Variants in PIGG observed in about 807,000 individuals in gnomAD.
PIGG encodes the protein GPI ethanolamine phosphate transferase 2, catalytic subunit.
Under a neutral mutation model 83.2 loss-of-function variants are expected in PIGG, and 70 were observed. The observed-to-expected ratio is 0.84, with a 90% CI of 0.69 to 1.03. PIGG has a LOEUF of 1.03. Ranked by LOEUF, PIGG falls within the 50% of genes least tolerant of loss-of-function variation. The pLI is 0.00. For synonymous variants in PIGG, 532 were observed against 519.5 expected (o/e 1.02, Z -0.33); for missense variants, 1,257 against 1,233.6 (o/e 1.02, Z -0.28).
chr4:521,974 A>G, intron 8 of PIGG, 33 bp downstream of exon 8: 1 of 1,608,434 alleles, frequency 6.2e-7, no homozygotes, highest in Non-Finnish European at 8.5e-7. Context: ...AGTGTGACGT[A>G]GTCCTTCTGC....
chr4:530,347 TG>T, intron 10 of PIGG, 88 bp from the exon 11 acceptor site: 2 of 908,866 alleles, frequency 2.2e-6, no homozygotes, highest in Non-Finnish European at 3.5e-6. Flanking sequence ...ACTGGTTCCC[TG>T]GGTAGATAGG....
rs563233978 is a variant in PIGG, at chr4:528,885, C to T, written c.2262-1551C>T. Among the ~76,000 whole-genome samples, 19 of 152,262 alleles carry T rather than the reference C, an allele frequency of 1.2e-4. No individual in the cohort carries two copies. Among genetic ancestry groups the T allele is most frequent in the African/African-American group, 2.6e-4 (11 of 41,532 alleles). The stretch of plus-strand genomic sequence containing the variant: ...TCACCTTCTTCCTGTAAAGTGCCTC[C>T]GTCCTTTGTCCCCATCTGTCCCGAT... On this transcript the variant is annotated intron_variant, in intron 10 of 12. Transcript: ENST00000453061. The surrounding 1 kb of genome is among the most constrained non-coding windows in gnomAD (Gnocchi z 4.8).
At chr4:503,862 A>T (rs1178945684) in intron 2 of PIGG, among the ~76,000 whole-genome samples, 1 of 151,726 alleles carries the variant, frequency 6.6e-6, no homozygotes, top group Non-Finnish European at 1.5e-5. Context: ...ACACACACAC[A>T]CACACACACA....
chr4:539,089 G>GTGT, intron 12 of PIGG, 64 bp from the exon 13 acceptor site: 1 of 1,050,630 alleles, frequency 9.5e-7, no homozygotes, highest in Admixed American at 1.8e-5. Context: ...GAAAATAAAA[G>GTGT]TGTTGTTACA....
intron 9 of PIGG, chr4:525,611 G>C (rs1306449132): frequency 6.6e-6 from 1 of 152,408 alleles, no homozygotes; most frequent in East Asian, 1.9e-4. Context: ...CACGTTAGTG[G>C]CACAGTTCTT....
At chr4:500,105 T>C in intron 1 of PIGG, 1 of 373,536 alleles carries the variant, frequency 2.7e-6, no homozygotes. Context: ...TCAAGCTCCC[T>C]AAATGTCCCA....
intron 6 of PIGG, among the ~76,000 whole-genome samples, chr4:520,367 C>CATGG (rs1201749124): frequency 3.3e-5 from 5 of 152,258 alleles, no homozygotes; most frequent in Non-Finnish European, 7.3e-5. Flanking sequence ...CCGTGAGCAG[C>CATGG]ATGGCACTGT....
At chr4:527,266 C>A in intron 10 of PIGG, 36 bp downstream of exon 10, 3 of 1,532,608 alleles carry the variant, frequency 2.0e-6, no homozygotes, top group Non-Finnish European at 2.6e-6. Context: ...CATAGAGCCA[C>A]TTTACTGTTT....
At chr4:535,031 T>C (rs1730137892) in intron 12 of PIGG, among the ~76,000 whole-genome samples, 1 of 152,250 alleles carries the variant, frequency 6.6e-6, no homozygotes, top group African/African-American at 2.4e-5. Flanking sequence ...TTCCTCATCG[T>C]ATGTTTCTTG....
chr4:511,106 C>G (rs1553883130), intron 5 of PIGG, among the ~76,000 whole-genome samples: 1 of 151,960 alleles, frequency 6.6e-6, no homozygotes, highest in African/African-American at 2.4e-5. Context: ...CCAGCCTGAC[C>G]AACATGGAGA....
chr4:539,420 C>A lies in PIGG; in HGVS notation c.*51C>A, dbSNP rs1465321408. 8.8e-7 allele frequency: 1 copy of A among 1,131,000 alleles called. No homozygotes were observed. The highest frequency in any genetic ancestry group is 1.3e-6 in the Non-Finnish European group (1 of 774,792). The allele number at this position is 1,131,000 out of a possible 1,614,324, so 70.1% of individuals were successfully genotyped here. A position where few individuals can be genotyped will look rare whatever the true frequency, so the allele number is the denominator to read the frequency against. The stretch of plus-strand genomic sequence containing the variant: ...TACATGCTTAAAGTCTGCTGTTATT[C>A]TAAAATGAAAGATATGAATTCAACA... On this transcript the variant is annotated 3_prime_UTR_variant, in exon 13 of 13. Transcript: ENST00000453061.
intron 9 of PIGG, 25 bp downstream of exon 9, chr4:523,938 A>G (rs1577106727): frequency 7.0e-7 from 1 of 1,426,046 alleles, no homozygotes; most frequent in South Asian, 1.4e-5. Context: ...CCGTGGCCAC[A>G]GGCCAGACTT....
At chr4:535,262 G>C (rs1730196450) in intron 12 of PIGG, among the ~76,000 whole-genome samples, 1 of 151,754 alleles carries the variant, frequency 6.6e-6, no homozygotes, top group Admixed American at 6.6e-5. Flanking sequence ...GAGTTGCTGG[G>C]AGCTCAATGG....
At chr4:518,252 CT>C (rs2108906937) in intron 6 of PIGG, among the ~76,000 whole-genome samples, 1 of 152,352 alleles carries the variant, frequency 6.6e-6, no homozygotes, top group South Asian at 2.1e-4. Context: ...TTGCATATTG[CT>C]TGTTTTGTTA....
chr4:510,448 G>A (rs782804411), intron 5 of PIGG, among the ~76,000 whole-genome samples: 37 of 152,338 alleles, frequency 2.4e-4, no homozygotes, highest in South Asian at 6.2e-4. Context: ...GCCTTCCAGC[G>A]TGGGCGTCAT....
chr4:537,801 G>A (rs1350986934), intron 12 of PIGG, among the ~76,000 whole-genome samples: 2 of 152,170 alleles, frequency 1.3e-5, no homozygotes, highest in African/African-American at 2.4e-5. Flanking sequence ...ATGGGGAGCC[G>A]GTGGGGGGCT....
intron 5 of PIGG, among the ~76,000 whole-genome samples, chr4:512,683 TG>T (rs1396344181): frequency 1.3e-5 from 2 of 151,472 alleles, no homozygotes; most frequent in Non-Finnish European, 2.9e-5. Context: ...GATGTGGTGG[TG>T]GGCGCCTGTA....
intron 8 of PIGG, 194 bp downstream of exon 8, chr4:522,135 C>G (rs1726147682): frequency 1.5e-6 from 1 of 646,984 alleles, no homozygotes; most frequent in Non-Finnish European, 2.8e-6. Context: ...TGTCCCGACA[C>G]AGGTGTTCAC....
rs1202457222 is a variant in PIGG, at chr4:538,177, CCTTT to C, written c.2736-973_2736-970del. On this transcript the variant is annotated intron_variant, in intron 12 of 12. Coordinates refer to ENST00000453061, the MANE Select transcript of PIGG (RefSeq NM_001127178.3). ...GAGGATCTGGGGGCTGCCTCCGGGC[CCTTT>C]CTAACAGAACTTGATCAGAGGTCAT... is the stretch of plus-strand genomic sequence containing the variant. Among the ~76,000 whole-genome samples the C allele has an allele frequency of 9.2e-5, 14 of 152,174 alleles. 1 individual carries two copies. The highest frequency in any genetic ancestry group is 3.4e-4 in the African/African-American group (14 of 41,426).
Sources: allele counts gnomAD v4.1 joint callset (sites outside exome capture counted in the v4.1 genomes callset), GRCh38; gene constraint gnomAD v4.1.1; non-coding constraint Gnocchi (gnomAD v3.1); transcripts MANE v1.5; gene names NCBI Gene and HGNC (gene_info 2026-07-23, HGNC 2026-07-21).